The following FOXF2 variants were observed in gnomAD, a reference collection of about 807,000 sequenced individuals.
The protein encoded by FOXF2 is forkhead box protein F2.
Under a neutral mutation model 29.1 loss-of-function variants are expected in FOXF2, and 15 were observed. The ratio of observed to expected loss-of-function variants is 0.52; its 90% CI spans 0.35 to 0.79. FOXF2 has a LOEUF of 0.79. Ranked by LOEUF, FOXF2 falls within the 30% of genes least tolerant of loss-of-function variation. The pLI, the probability that FOXF2 is intolerant of heterozygous loss-of-function variation, is 0.01. For missense variants in FOXF2, 675 were observed against 667.1 expected (o/e 1.01, Z -0.13); for synonymous variants, 337 against 316.5 (o/e 1.06, Z -0.69).
At chr6:1,392,776 T>C (rs1002259450) in intron 1 of FOXF2, among the ~76,000 whole-genome samples, 2 of 152,156 alleles carry the variant, frequency 1.3e-5, no homozygotes, top group South Asian at 4.1e-4. Context: ...GGGTGAAAAC[T>C]GCCCAGCAAA....
chr6:1,390,053 G>A lies in FOXF2; in HGVS notation c.106G>A (p.Ala36Thr). ...GATGAGCCCGCCGCCCGCCGCCGCC[G>A]CCGCCGCCGCCGCCGCCCCGGAGAC... ...ALMSPPPAAA[A>T]AAAAAPETTS... The change falls in exon 1 of 2, where the codon GCC becomes ACC. Residue 36 changes from alanine to threonine, a missense_variant. Physicochemically the swap from Ala to Thr is moderately conservative, Grantham distance 58 (BLOSUM62 0). Coordinates refer to ENST00000645481, the MANE Select transcript of FOXF2 (RefSeq NM_001452.2). This position sits in a 1 kb window ranked among gnomAD's most constrained non-coding sequence, Gnocchi z 8.5. 1.5e-6 allele frequency: 2 copies of A among 1,374,148 alleles called. No individual in the cohort carries two copies. The highest frequency in any genetic ancestry group is 9.4e-7 in the Non-Finnish European group (1 of 1,058,304). The allele number at this position is 1,374,148 out of a possible 1,614,324, so 85.1% of individuals were successfully genotyped here. A position where few individuals can be genotyped will look rare whatever the true frequency, so the allele number is the denominator to read the frequency against.
chr6:1,392,476 A>ACACACACACC lies in FOXF2; in HGVS notation c.1171+1359_1171+1360insACACACACCC, dbSNP rs57146251. ...CACACACACACACACACACACACAC[A>ACACACACACC]CCCCTCGGTGCACTGGCCCCTTCCC... On this transcript the variant is annotated intron_variant, in intron 1 of 1. Transcript: ENST00000645481. Among the ~76,000 whole-genome samples, 9 of 139,884 alleles carry ACACACACACC rather than the reference A, an allele frequency of 6.4e-5. No individual in the cohort carries two copies. In the East Asian group the frequency reaches 8.7e-4, roughly 14 times the overall value. 91.8% of individuals were successfully genotyped at this position (139,884 alleles called of 152,430 possible). A position where few individuals can be genotyped will look rare whatever the true frequency, so the allele number is the denominator to read the frequency against.
chr6:1,390,554 C>G lies in FOXF2; in HGVS notation c.607C>G (p.Leu203Val). The part of the protein sequence containing the change: ...PRGFRRKCQA[L>V]KPMYHRVVSG... ...CGGCTTCAGGCGGAAGTGCCAGGCGCTCAAGCCCATGTACCACCGCGTGGT... is the reference window on the plus strand; with the variant it reads ...CGGCTTCAGGCGGAAGTGCCAGGCGGTCAAGCCCATGTACCACCGCGTGGT... The change falls in exon 1 of 2, where the codon CTC (leucine) becomes GTC (valine). Residue 203 changes from leucine to valine, a missense_variant. Leu to Val is a conservative substitution (Grantham distance 32). Around this residue, in one of 3 missense-constraint regions of FOXF2, gnomAD observed 451 missense variants for 437.2 expected, o/e 1.03. Transcript: ENST00000645481. This position sits in a 1 kb window ranked among gnomAD's most constrained non-coding sequence, Gnocchi z 8.5. 6.2e-7 allele frequency: 1 copy of G among 1,606,876 alleles called. No homozygotes were observed. The highest frequency in any genetic ancestry group is 1.7e-5 in the Admixed American group (1 of 59,930).
Position 1,394,708 on chromosome 6 carries a change from G to A in FOXF2, c.1184G>A (p.Arg395His), listed in dbSNP as rs768831466. 6.8e-6 allele frequency: 11 copies of A among 1,613,808 alleles called. No individual in the cohort carries two copies. The highest frequency in any genetic ancestry group is 2.2e-5 in the East Asian group (1 of 44,882). Residue 395 changes from arginine (R) to histidine (H), a missense_variant, in exon 2 of 2, where the codon CGT becomes CAT. This residue lies in a region of FOXF2 where 451 missense variants were observed against 437.2 expected (regional missense o/e 1.03). Transcript: ENST00000645481. The part of the protein sequence containing the change: ...AREDLSVGLP[R>H]YQHHSTPVCD... ...TTTCTTCTTTCAGTGGGACTGCCCC[G>A]TTACCAGCATCACTCTACTCCAGTG...
At position 1,389,980 on chromosome 6, in the gene FOXF2, G is replaced by A. The variant is rs1247650126; in HGVS notation, c.33G>A (p.Pro11=). The stretch of plus-strand genomic sequence containing the variant: ...CCGAGGGCGGGCCGCCGCCGGCCCC[G>A]CTCCGCCGCGCGTGCAGCCCGGTCC... The part of the protein sequence containing the change: MTTEGGPPPA[P]LRRACSPVPG... The change falls in exon 1 of 2, where the codon CCG becomes CCA. Residue 11 remains proline, a synonymous_variant. Coordinates refer to ENST00000645481, the MANE Select transcript of FOXF2 (RefSeq NM_001452.2). 2.0e-6 allele frequency: 2 copies of A among 1,012,618 alleles called. No individual in the cohort carries two copies. The highest frequency in any genetic ancestry group is 1.1e-4 in the Admixed American group (2 of 18,482). 62.7% of individuals were successfully genotyped at this position (1,012,618 alleles called of 1,614,324 possible). A position where few individuals can be genotyped will look rare whatever the true frequency, so the allele number is the denominator to read the frequency against.
In FOXF2 at chr6:1,389,750, CCCGCCG is replaced by C. The variant is rs1267626075; in HGVS notation, c.-183_-178del. ...GGGATGCGCCGGGCGTTGCCTCCCG[CCCGCCG>C]CCGCCGCCGCCGCCAGAAGCCCCAG... On this transcript the variant is annotated 5_prime_UTR_variant, in exon 1 of 2. Transcript: ENST00000645481. The C allele has an allele frequency of 1.7e-4, 26 of 152,386 alleles. No individual in the cohort carries two copies. The South Asian group carries it at 3.9e-3, about 23-fold the overall frequency. 9.4% of individuals were successfully genotyped at this position (152,386 alleles called of 1,614,324 possible).
rs111582458 is a variant in FOXF2 at position 1,391,303 on chromosome 6, C to T, written c.1171+185C>T. On this transcript the variant is annotated intron_variant, in intron 1 of 1. Coordinates refer to ENST00000645481, the MANE Select transcript of FOXF2 (RefSeq NM_001452.2). ...GAGCAGGGATCAGGGTCTTACTGTC[C>T]TCCCAGTATCCCTGGCCAGCAGCCG... 5.7e-3 allele frequency among the ~76,000 whole-genome samples: 863 copies of T among 152,342 alleles called. 8 individuals are homozygous for T. Among genetic ancestry groups the T allele is most frequent in the African/African-American group, 0.02 (814 of 41,582 alleles).
chr6:1,391,584 T>G (rs376202441), intron 1 of FOXF2, among the ~76,000 whole-genome samples: 1 of 151,952 alleles, frequency 6.6e-6, no homozygotes, highest in African/African-American at 2.4e-5. Flanking sequence ...TTCTGTATGT[T>G]GGGGTGTCTG....
rs58230522 is a variant in FOXF2 at position 1,390,850 on chromosome 6, GGGC to G, written c.917_919del (p.Gly306del). The G allele has an allele frequency of 1.3e-4, 179 of 1,418,178 alleles. No homozygotes were observed. In the South Asian group the frequency reaches 1.8e-3, roughly 14 times the overall value. The allele number at this position is 1,418,178 out of a possible 1,614,324, so 87.8% of individuals were successfully genotyped here. On this transcript the variant is annotated inframe_deletion, in exon 1 of 2. Transcript: ENST00000645481. The surrounding 1 kb of genome is among the most constrained non-coding windows in gnomAD (Gnocchi z 8.5). The stretch of plus-strand genomic sequence containing the variant: ...GACCCGGGGGCGTCGGTGCGGCCGG[GGGC>G]GGCGGCGGCGGCGACTACGGGCCGG...
intron 1 of FOXF2, among the ~76,000 whole-genome samples, chr6:1,393,525 G>A (rs1274879003): frequency 6.6e-6 from 1 of 152,132 alleles, no homozygotes; most frequent in Non-Finnish European, 1.5e-5. Context: ...CGCAGCGCCG[G>A]GTGTGTTCGG....
chr6:1,390,518 C>T lies in FOXF2; in HGVS notation c.571C>T (p.Arg191Cys). The T allele has an allele frequency of 6.2e-7, 1 of 1,610,208 alleles. No homozygotes were observed. The change falls in exon 1 of 2, where the codon CGC becomes TGC. Residue 191 changes from arginine to cysteine, a missense_variant. Coordinates refer to ENST00000645481, the MANE Select transcript of FOXF2 (RefSeq NM_001452.2). This position sits in a 1 kb window ranked among gnomAD's most constrained non-coding sequence, Gnocchi z 8.5. Reference sequence around the variant, plus strand: ...CATGTTCGAGGAGGGCTCGTTCCGCCGCCGGCCGCGCGGCTTCAGGCGGAA... The same window carrying T: ...CATGTTCGAGGAGGGCTCGTTCCGCTGCCGGCCGCGCGGCTTCAGGCGGAA... ...EFMFEEGSFR[R>C]RPRGFRRKCQ...
In FOXF2 at chr6:1,391,129, A is replaced by C. The variant is rs1206440950; in HGVS notation, c.1171+11A>C. ...GCGAGGACCTCTCAGGTAACGCAGC[A>C]CGCTCCAGCCCAGCCAGCTGGGCGC... On this transcript the variant is annotated intron_variant, in intron 1 of 1. Coordinates refer to ENST00000645481, the MANE Select transcript of FOXF2 (RefSeq NM_001452.2). The C allele has an allele frequency of 5.6e-6, 9 of 1,599,908 alleles. No homozygotes were observed. Among genetic ancestry groups the C allele is most frequent in the Non-Finnish European group, 7.6e-6 (9 of 1,179,728 alleles).
chr6:1,390,346 C>G lies in FOXF2; in HGVS notation c.399C>G (p.Arg133=). The G allele has an allele frequency of 6.2e-7, 1 of 1,613,088 alleles. No homozygotes were observed. Among genetic ancestry groups the G allele is most frequent in the Non-Finnish European group, 8.5e-7 (1 of 1,179,940 alleles). Residue 133 remains arginine (R), a synonymous_variant, in exon 1 of 2, where the codon CGC becomes CGG. Transcript: ENST00000645481. The surrounding 1 kb of genome is among the most constrained non-coding windows in gnomAD (Gnocchi z 8.5). ...LSEIYQFLQA[R]FPFFRGAYQG... is the part of the protein sequence containing the mutation. ...AGATCTACCAGTTCCTGCAGGCGCG[C>G]TTCCCCTTCTTCCGCGGCGCCTACC...
At chr6:1,392,825 C>T (rs563225896) in intron 1 of FOXF2, among the ~76,000 whole-genome samples, 1 of 152,232 alleles carries the variant, frequency 6.6e-6, no homozygotes, top group East Asian at 1.9e-4. Context: ...CGGCCTCCCG[C>T]GGCCGGCCTT....
intron 1 of FOXF2, 31 bp downstream of exon 1, chr6:1,391,149 G>T: frequency 6.3e-7 from 1 of 1,597,422 alleles, no homozygotes. Flanking sequence ...CCAGCCAGCT[G>T]GGCGCACCGC....
intron 1 of FOXF2, among the ~76,000 whole-genome samples, chr6:1,392,434 T>TCTCACACACACACACACA (rs1554124328): frequency 2.0e-4 from 22 of 107,772 alleles, no homozygotes; most frequent in African/African-American, 7.5e-4. Context: ...CGGCTGTCAA[T>TCTCACACACACACACACA]CACACACACA....
rs778312283 is a variant in FOXF2 at position 1,390,241 on chromosome 6, C to G, written c.294C>G (p.Pro98=). 1.6e-5 allele frequency: 26 copies of G among 1,603,474 alleles called. No individual in the cohort carries two copies. Among genetic ancestry groups the G allele is most frequent in the Admixed American group, 1.3e-4 (8 of 59,364 alleles). The change falls in exon 1 of 2, where the codon CCC becomes CCG. Residue 98 remains proline, a synonymous_variant. Coordinates refer to ENST00000645481, the MANE Select transcript of FOXF2 (RefSeq NM_001452.2). This position sits in a 1 kb window ranked among gnomAD's most constrained non-coding sequence, Gnocchi z 8.5. ...AKKASSGLRR[P]EKPPYSYIAL... is the part of the protein sequence containing the mutation. ...AGGCGAGCTCGGGGCTGCGGCGGCC[C>G]GAGAAGCCGCCCTACTCGTACATCG... is the stretch of plus-strand genomic sequence containing the variant.
At chr6:1,392,224 CG>C (rs1581262856) in intron 1 of FOXF2, among the ~76,000 whole-genome samples, 1 of 152,092 alleles carries the variant, frequency 6.6e-6, no homozygotes, top group East Asian at 1.9e-4. Context: ...GTTCCCTGGA[CG>C]GTGAAATTTC....
Position 1,394,709 on chromosome 6 carries a change from T to A in FOXF2, c.1185T>A (p.Arg395=). ...TTCTTCTTTCAGTGGGACTGCCCCGTTACCAGCATCACTCTACTCCAGTGT... is the reference window on the plus strand; with the variant it reads ...TTCTTCTTTCAGTGGGACTGCCCCGATACCAGCATCACTCTACTCCAGTGT... ...AREDLSVGLP[R]YQHHSTPVCD... Residue 395 remains arginine, a synonymous_variant, in exon 2 of 2, where the codon CGT becomes CGA. Coordinates refer to ENST00000645481, the MANE Select transcript of FOXF2 (RefSeq NM_001452.2). 1.2e-6 allele frequency: 2 copies of A among 1,614,142 alleles called. No individual in the cohort carries two copies. Among genetic ancestry groups the A allele is most frequent in the South Asian group, 1.1e-5 (1 of 91,076 alleles).
Sources: gnomAD v4.1 joint callset for allele counts (sites outside exome capture counted in the v4.1 genomes callset) on GRCh38, gnomAD v4.1.1 for gene constraint, gnomAD v4.1.1 regional missense constraint, Gnocchi (gnomAD v3.1) non-coding constraint, MANE v1.5 for transcripts, NCBI Gene and HGNC (gene_info 2026-07-23, HGNC 2026-07-21) for gene names.